The following EVI5 variants were observed in gnomAD, a reference collection of about 807,000 sequenced individuals.
The protein encoded by EVI5 is ecotropic viral integration site 5.
In EVI5, 73 loss-of-function variants were observed where a neutral mutation model predicts 112.0. The ratio of observed to expected loss-of-function variants is 0.65; its 90% confidence interval spans 0.54 to 0.79. The LOEUF (loss-of-function observed/expected upper bound fraction) is 0.79, where lower values mean the gene tolerates loss of function less well. EVI5 is among the 30% of genes least tolerant of loss of function. The probability of loss-of-function intolerance (pLI) is 0.00; values close to 1 mark genes in which losing one functional copy is unlikely to be tolerated. For synonymous variants in EVI5, 305 were observed against 319.9 expected (o/e 0.95, Z 0.50); for missense variants, 900 against 968.8 (o/e 0.93, Z 0.94).
intron 1 of EVI5, 124 bp from the exon 2 acceptor site, chr1:92,736,751 G>A: frequency 1.4e-6 from 1 of 710,100 alleles, no homozygotes; most frequent in Non-Finnish European, 2.4e-6. Flanking sequence ...GGAAGTAAAG[G>A]TAAAACCTGT....
At chr1:92,692,050 C>A (rs931321701) in intron 9 of EVI5, among the ~76,000 whole-genome samples, 1 of 152,128 alleles carries the variant, frequency 6.6e-6, no homozygotes, top group Admixed American at 6.6e-5. Context: ...CAATTGGATA[C>A]ATGAATACAG....
chr1:92,677,145 C>A lies in EVI5; in HGVS notation c.1158+13G>T. The A allele has an allele frequency of 6.5e-7, 1 of 1,549,816 alleles. No individual in the cohort carries two copies. The highest frequency in any genetic ancestry group is 8.9e-7 in the Non-Finnish European group (1 of 1,129,654). On this transcript the variant is annotated intron_variant, in intron 10 of 19. Coordinates refer to ENST00000684568, the MANE Select transcript of EVI5 (RefSeq NM_001350197.2). ...CAATCAATCAGTACTTTAAAAAGCC[C>A]CCAACTGCTTACTTTAATTTCAACT...
intron 13 of EVI5, among the ~76,000 whole-genome samples, chr1:92,659,379 T>C (rs1663579000): frequency 1.3e-5 from 2 of 151,972 alleles, no homozygotes; most frequent in Non-Finnish European, 1.5e-5. Flanking sequence ...ATCCAGAATC[T>C]ACAAGGAACG....
chr1:92,626,009 G>A (rs1438240365), intron 14 of EVI5, 75 bp from the exon 15 acceptor site: 2 of 845,954 alleles, frequency 2.4e-6, no homozygotes, highest in Non-Finnish European at 1.9e-6. Context: ...CAGCTATTGT[G>A]TTCCACACTT....
chr1:92,597,689 T>C (rs1648220963), intron 18 of EVI5, among the ~76,000 whole-genome samples: 1 of 152,244 alleles, frequency 6.6e-6, no homozygotes, highest in Non-Finnish European at 1.5e-5. Flanking sequence ...TTCAAATATC[T>C]ACTGGTCAAA....
chr1:92,752,289 C>T (rs1431894096), intron 1 of EVI5, among the ~76,000 whole-genome samples: 1 of 152,058 alleles, frequency 6.6e-6, no homozygotes, highest in Non-Finnish European at 1.5e-5. Flanking sequence ...ATTCTCCTGC[C>T]TCAGCCTCCT....
At chr1:92,685,676 G>A (rs150394053) in intron 9 of EVI5, among the ~76,000 whole-genome samples, 30,325 of 151,262 alleles carry the variant, frequency 0.2, 3,510 homozygotes, top group Non-Finnish European at 0.26. Flanking sequence ...AAGGAAAGAG[G>A]GAAGAATCAA....
chr1:92,752,751 T>A lies in EVI5; in HGVS notation c.-81-16124A>T, dbSNP rs768304692. Among the ~76,000 whole-genome samples the A allele has an allele frequency of 3.0e-4, 46 of 152,208 alleles. 1 individual carries two copies. Among genetic ancestry groups the A allele is most frequent in the Non-Finnish European group, 4.3e-4 (29 of 67,996 alleles). ...TGTCTCCTTGCCAGTCAGCTCACAATAAAGCCCTTTTTCTTTTCTCAAAAG... is the reference window on the plus strand; with the variant it reads ...TGTCTCCTTGCCAGTCAGCTCACAAAAAAGCCCTTTTTCTTTTCTCAAAAG... On this transcript the variant is annotated intron_variant, in intron 1 of 19. Transcript: ENST00000684568.
At chr1:92,652,724 G>A (rs904183661) in intron 13 of EVI5, among the ~76,000 whole-genome samples, 1 of 152,206 alleles carries the variant, frequency 6.6e-6, no homozygotes, top group African/African-American at 2.4e-5. Flanking sequence ...GGTTCGAGAT[G>A]AATGACTAGA....
At chr1:92,574,623 T>G (rs1406194794) in intron 18 of EVI5, among the ~76,000 whole-genome samples, 1 of 152,136 alleles carries the variant, frequency 6.6e-6, no homozygotes, top group Non-Finnish European at 1.5e-5. Context: ...AGAAAAGAAG[T>G]GGATCTCAAG....
chr1:92,695,171 G>A (rs1480766685), intron 7 of EVI5, 139 bp downstream of exon 7: 3 of 620,556 alleles, frequency 4.8e-6, no homozygotes, highest in Non-Finnish European at 8.5e-6. Context: ...GTTATTATAA[G>A]GTTTAAATGA....
intron 13 of EVI5, among the ~76,000 whole-genome samples, chr1:92,639,006 A>G (rs1659424760): frequency 6.6e-6 from 1 of 152,156 alleles, no homozygotes; most frequent in Non-Finnish European, 1.5e-5. Flanking sequence ...CAGACACACA[A>G]TTTGTTTTAC....
At chr1:92,557,103 C>T (rs77565458) in intron 19 of EVI5, among the ~76,000 whole-genome samples, 3,116 of 152,080 alleles carry the variant, frequency 0.02, 120 homozygotes, top group African/African-American at 0.07. Context: ...AGAAAAATTG[C>T]CTTCCCAACA....
chr1:92,717,808 T>A (rs1674012546), intron 2 of EVI5, among the ~76,000 whole-genome samples: 1 of 151,726 alleles, frequency 6.6e-6, no homozygotes, highest in Admixed American at 6.6e-5. Flanking sequence ...CCATCTCACG[T>A]GCAAAGACGC....
At chr1:92,587,372 G>A (rs1163525438) in intron 18 of EVI5, among the ~76,000 whole-genome samples, 1 of 122,650 alleles carries the variant, frequency 8.2e-6, no homozygotes, top group Non-Finnish European at 1.6e-5. Context: ...AGCCATAAAC[G>A]ATTGTGCTTC....
intron 13 of EVI5, among the ~76,000 whole-genome samples, chr1:92,652,197 A>G (rs1662254975): frequency 6.6e-6 from 1 of 152,260 alleles, no homozygotes; most frequent in Non-Finnish European, 1.5e-5. Flanking sequence ...ACCTGTTATA[A>G]CAATGATGGA....
At chr1:92,582,106 AG>A (rs2101098270) in intron 18 of EVI5, among the ~76,000 whole-genome samples, 1 of 152,350 alleles carries the variant, frequency 6.6e-6, no homozygotes, top group South Asian at 2.1e-4. Flanking sequence ...TAGACTATAC[AG>A]TATAGCCTAC....
chr1:92,748,170 C>T (rs1423353244), intron 1 of EVI5, among the ~76,000 whole-genome samples: 2 of 152,154 alleles, frequency 1.3e-5, no homozygotes, highest in African/African-American at 2.4e-5. Context: ...AAGCAAAGCT[C>T]GCTGACTGCT....
chr1:92,755,969 G>A (rs774065376), intron 1 of EVI5: 5 of 183,050 alleles, frequency 2.7e-5, no homozygotes, highest in South Asian at 1.3e-4. Flanking sequence ...GAGCGATCAC[G>A]TCACGCTCTT....
Sources: gnomAD v4.1 joint callset for allele counts (sites outside exome capture counted in the v4.1 genomes callset) on GRCh38, gnomAD v4.1.1 for gene constraint, MANE v1.5 for transcripts, NCBI Gene and HGNC (gene_info 2026-07-23, HGNC 2026-07-21) for gene names.